The following CLEC17A variants were observed in gnomAD, a reference collection of about 807,000 sequenced individuals.
The protein encoded by CLEC17A is C-type lectin domain family 17, member A.
A neutral mutation model predicts 61.3 loss-of-function variants in CLEC17A; 37 were observed. The observed-to-expected ratio is 0.60, with a 90% CI of 0.46 to 0.79. CLEC17A has a LOEUF of 0.79. Among genes scored for constraint, CLEC17A ranks in the 30% least tolerant of loss-of-function variants. CLEC17A has a pLI of 0.00. For synonymous variants in CLEC17A, 168 were observed against 164.9 expected, an observed-to-expected ratio of 1.02 and a Z score of -0.14; for missense variants, 418 against 464.7, an observed-to-expected ratio of 0.90 and a Z score of 0.92.
chr19:14,583,559 G>A, intron 2 of CLEC17A, 125 bp downstream of exon 2: 3 of 1,530,320 alleles, frequency 2.0e-6, no homozygotes, highest in South Asian at 2.5e-5. Flanking sequence ...GGGCACTGTG[G>A]AACCCACACC....
chr19:14,607,706 AG>A (rs2074934772), intron 13 of CLEC17A, among the ~76,000 whole-genome samples: 1 of 151,038 alleles, frequency 6.6e-6, no homozygotes, highest in African/African-American at 2.4e-5. Context: ...TCTCCCAAGT[AG>A]CTGGGATTAC....
intron 12 of CLEC17A, among the ~76,000 whole-genome samples, chr19:14,600,430 A>C (rs796538794): frequency 3.9e-5 from 6 of 152,288 alleles, no homozygotes; most frequent in African/African-American, 1.4e-4. Context: ...TTTTATCTCT[A>C]ACATGAAAAT....
chr19:14,610,236 C>G lies in CLEC17A; in HGVS notation c.*40C>G. 1 of 1,545,042 alleles carries G rather than the reference C, an allele frequency of 6.5e-7. No individual in the cohort carries two copies. Among genetic ancestry groups the G allele is most frequent in the Non-Finnish European group, 8.7e-7 (1 of 1,146,892 alleles). On this transcript the variant is annotated 3_prime_UTR_variant, in exon 14 of 14. Coordinates refer to ENST00000417570, the MANE Select transcript of CLEC17A (RefSeq NM_001204118.2). ...GCTGGGGGTCCATATCTGAGTGTCT[C>G]TTTGAGATGAGAATCTCCTGCCCTT...
intron 13 of CLEC17A, among the ~76,000 whole-genome samples, chr19:14,607,644 C>T (rs2074933503): frequency 6.6e-6 from 1 of 151,792 alleles, no homozygotes; most frequent in East Asian, 1.9e-4. Flanking sequence ...GGTGCGATCT[C>T]AGCTCACTGT....
chr19:14,594,340 G>C, intron 4 of CLEC17A, 177 bp from the exon 5 acceptor site: 5 of 654,412 alleles, frequency 7.6e-6, no homozygotes, highest in Non-Finnish European at 1.3e-5. Context: ...ATCTAGGTTC[G>C]TTGGTCACCC....
rs931413038 is a variant in CLEC17A at position 14,610,808 on chromosome 19, A to G, written c.*612A>G. ...ATTGTGAGGATTACAGGTGTGAGCC[A>G]CTGTGCCTGGCTCAAAATTATTATT... On this transcript the variant is annotated 3_prime_UTR_variant, in exon 14 of 14. Coordinates refer to ENST00000417570, the MANE Select transcript of CLEC17A (RefSeq NM_001204118.2). 1 of 152,258 alleles carries G rather than the reference A, an allele frequency of 6.6e-6. No individual in the cohort carries two copies. Among genetic ancestry groups the G allele is most frequent in the African/African-American group, 2.4e-5 (1 of 41,424 alleles). The allele number at this position is 152,258 out of a possible 1,614,324, so 9.4% of individuals were successfully genotyped here. A position where few individuals can be genotyped will look rare whatever the true frequency, so the allele number is the denominator to read the frequency against.
At chr19:14,580,970 A>C (rs1417080860), upstream of CLEC17A, among the ~76,000 whole-genome samples, 2 of 152,148 alleles carry the variant, frequency 1.3e-5, no homozygotes, top group African/African-American at 2.4e-5. Flanking sequence ...TACCTCAATT[A>C]AGACCGGGGC....
chr19:14,594,949 G>C (rs2074507433), intron 7 of CLEC17A, 149 bp downstream of exon 7: 1 of 805,870 alleles, frequency 1.2e-6, no homozygotes, highest in Non-Finnish European at 2.0e-6. Context: ...CTGGCTCACT[G>C]CAACCTCTGC....
intron 3 of CLEC17A, among the ~76,000 whole-genome samples, chr19:14,590,923 C>A (rs556677415): frequency 6.6e-6 from 1 of 150,454 alleles, no homozygotes; most frequent in South Asian, 2.1e-4. Context: ...GTCTTGAACT[C>A]CTGGCCTCAA....
chr19:14,590,573 G>C (rs1205833286), intron 3 of CLEC17A, among the ~76,000 whole-genome samples: 1 of 152,018 alleles, frequency 6.6e-6, no homozygotes, highest in Non-Finnish European at 1.5e-5. Flanking sequence ...TTTTAGAAAA[G>C]ATGGGGTTCC....
rs201844091 is a variant in CLEC17A at position 14,586,888 on chromosome 19, TTTC to T, written c.122-723_122-721del. ...ATTGTTTCTTCTTTTTCTTTCTTTC[TTTC>T]TTTTTTTTTTTTTTTGAGACAGAAT... On this transcript the variant is annotated intron_variant, in intron 2 of 13. Transcript: ENST00000417570. Among the ~76,000 whole-genome samples the T allele has an allele frequency of 1.5e-3, 178 of 116,254 alleles. 4 individuals carry two copies. The South Asian group carries it at 0.048, about 31-fold the overall frequency. 76.3% of individuals were successfully genotyped at this position (116,254 alleles called of 152,430 possible). A position where few individuals can be genotyped will look rare whatever the true frequency, so the allele number is the denominator to read the frequency against.
intron 12 of CLEC17A, among the ~76,000 whole-genome samples, chr19:14,600,925 T>C (rs2074697253): frequency 8.9e-6 from 1 of 112,536 alleles, no homozygotes. Flanking sequence ...TTTTTTGAGA[T>C]GGAGTCTCAC....
chr19:14,604,545 C>T (rs1336304227), intron 12 of CLEC17A, among the ~76,000 whole-genome samples: 2 of 151,984 alleles, frequency 1.3e-5, no homozygotes, highest in Non-Finnish European at 1.5e-5. Context: ...GGCAGATCAC[C>T]TGAGGTCAGG....
intron 2 of CLEC17A, among the ~76,000 whole-genome samples, chr19:14,586,295 T>C (rs2074277813): frequency 6.6e-6 from 1 of 152,100 alleles, no homozygotes; most frequent in South Asian, 2.1e-4. Context: ...CGGCTAATTT[T>C]GTATTTTTAG....
intron 4 of CLEC17A, 128 bp downstream of exon 4, chr19:14,592,486 C>T (rs139723090): frequency 0.018 from 27,533 of 1,515,226 alleles, 386 homozygotes; most frequent in Non-Finnish European, 0.019. Context: ...CACTGTGCAA[C>T]ACACACCCTG....
In CLEC17A at chr19:14,583,397, C is replaced by G; in HGVS notation, c.84C>G (p.Asn28Lys). ...EEEEEDDDYE[N>K]STPPYKDLPP... is the part of the protein sequence containing the mutation. ...AGGAGGAGGATGATGACTATGAGAA[C>G]TCAACACCTCCCTACAAGGACCTTC... The change falls in exon 2 of 14, where the codon AAC (asparagine) becomes AAG (lysine). Residue 28 changes from asparagine (N) to lysine (K), a missense_variant. By Grantham distance (94) the Asn-to-Lys change is moderately conservative. Transcript: ENST00000417570. 6.2e-7 allele frequency: 1 copy of G among 1,612,450 alleles called. No individual in the cohort carries two copies. The highest frequency in any genetic ancestry group is 8.5e-7 in the Non-Finnish European group (1 of 1,179,266).
intron 3 of CLEC17A, among the ~76,000 whole-genome samples, chr19:14,590,741 TG>T (rs2074390670): frequency 6.6e-6 from 1 of 151,372 alleles, no homozygotes; most frequent in Admixed American, 6.6e-5. Flanking sequence ...GGCTGGAGTG[TG>T]GTAGTGCAAT....
At chr19:14,600,967 A>G (rs1045791768) in intron 12 of CLEC17A, among the ~76,000 whole-genome samples, 3 of 130,458 alleles carry the variant, frequency 2.3e-5, no homozygotes, top group South Asian at 2.4e-4. Context: ...CAGTGGTGCA[A>G]TCTTGGCTCA....
intron 3 of CLEC17A, among the ~76,000 whole-genome samples, chr19:14,589,268 AC>A (rs1158205760): frequency 1.6e-5 from 2 of 127,036 alleles, no homozygotes; most frequent in African/African-American, 8.9e-5. Flanking sequence ...TCCAAACCTC[AC>A]CTCATCTTCA....
Sources: allele counts gnomAD v4.1 joint callset (sites outside exome capture counted in the v4.1 genomes callset), GRCh38; gene constraint gnomAD v4.1.1; transcripts MANE v1.5; gene names NCBI Gene and HGNC (gene_info 2026-07-23, HGNC 2026-07-21).